The following ZNF385B variants were observed in gnomAD, a reference collection of about 807,000 sequenced individuals.
ZNF385B encodes the protein zinc finger protein 385B, also known as zinc finger protein 533.
ZNF385B carries 23 observed loss-of-function variants against 39.2 expected under a neutral mutation model. The observed-to-expected ratio is 0.59, with a 90% CI of 0.42 to 0.83. The LOEUF is 0.83. ZNF385B is among the 40% of genes least tolerant of loss of function. The pLI is 0.00. For synonymous variants in ZNF385B, 205 were observed against 222.6 expected, an observed-to-expected ratio of 0.92 and a Z score of 0.70; for missense variants, 552 against 598.9, an observed-to-expected ratio of 0.92 and a Z score of 0.82.
rs892580605 is a variant in ZNF385B, at chr2:179,568,088, C to T, written c.299-23119G>A. ...ACATGTTTAATTAAGCCCCTGCCTG[C>T]TCCAAAACCTCACTGAGTACTGCCT... On this transcript the variant is annotated intron_variant, in intron 3 of 9. Coordinates refer to ENST00000410066, the MANE Select transcript of ZNF385B (RefSeq NM_152520.6). Among the ~76,000 whole-genome samples the T allele has an allele frequency of 3.3e-5, 5 of 152,200 alleles. 1 individual carries two copies. In the South Asian group the frequency reaches 6.2e-4, roughly 19 times the overall value.
chr2:179,718,397 A>G lies in ZNF385B; in HGVS notation c.298+51106T>C, dbSNP rs975585954. Among the ~76,000 whole-genome samples, 43 of 148,006 alleles carry G rather than the reference A, an allele frequency of 2.9e-4. 1 individual carries two copies. The highest frequency in any genetic ancestry group is 4.2e-4 in the South Asian group (2 of 4,802). ...TATATATTATATATTATAATCCTAC[A>G]TATAATCATTTATTATCATAAAGAT... On this transcript the variant is annotated intron_variant, in intron 3 of 9. Coordinates refer to ENST00000410066, the MANE Select transcript of ZNF385B (RefSeq NM_152520.6).
rs1685072503 is a variant in ZNF385B at position 179,861,556 on chromosome 2, T to TG, written c.-611dup. ...TGTGACGGTTTACTAAGCAGAGACT[T>TG]GCGAGGCACACAGAGAGGGAATGAG... On this transcript the variant is annotated 5_prime_UTR_variant, in exon 1 of 10. Coordinates refer to ENST00000410066, the MANE Select transcript of ZNF385B (RefSeq NM_152520.6). 1 of 152,242 alleles carries TG rather than the reference T, an allele frequency of 6.6e-6. No individual in the cohort carries two copies. The highest frequency in any genetic ancestry group is 2.1e-4 in the South Asian group (1 of 4,830). 9.4% of individuals were successfully genotyped at this position (152,242 alleles called of 1,614,324 possible).
intron 3 of ZNF385B, among the ~76,000 whole-genome samples, chr2:179,691,615 C>G (rs1357485840): frequency 1.3e-5 from 2 of 152,142 alleles, no homozygotes; most frequent in African/African-American, 4.8e-5. Flanking sequence ...CATCGCATAT[C>G]TCTACTTACT....
chr2:179,763,112 C>T (rs950188504), intron 3 of ZNF385B, among the ~76,000 whole-genome samples: 2 of 152,112 alleles, frequency 1.3e-5, no homozygotes, highest in Non-Finnish European at 2.9e-5. Context: ...ACCATGTTGG[C>T]CAGGCTGGTA....
intron 3 of ZNF385B, among the ~76,000 whole-genome samples, chr2:179,606,290 G>C (rs1359891580): frequency 6.6e-6 from 1 of 152,120 alleles, no homozygotes; most frequent in Non-Finnish European, 1.5e-5. Flanking sequence ...CTAGAGTTTA[G>C]AGCTGACCAA....
At chr2:179,833,857 C>T (rs75473636) in intron 1 of ZNF385B, among the ~76,000 whole-genome samples, 51 of 152,196 alleles carry the variant, frequency 3.4e-4, no homozygotes, top group African/African-American at 1.1e-3. Context: ...GTGGACATAG[C>T]GTATGACTTT....
intron 6 of ZNF385B, among the ~76,000 whole-genome samples, chr2:179,451,185 G>A (rs1431468002): frequency 6.6e-6 from 1 of 150,822 alleles, no homozygotes; most frequent in African/African-American, 2.5e-5. Context: ...CACCAACATG[G>A]CACATGTATA....
At chr2:179,649,545 T>C (rs1693026591) in intron 3 of ZNF385B, among the ~76,000 whole-genome samples, 1 of 152,206 alleles carries the variant, frequency 6.6e-6, no homozygotes, top group African/African-American at 2.4e-5. Flanking sequence ...TTTAAAATTA[T>C]CTTATGGGGT....
chr2:179,736,820 A>C (rs1340974458), intron 3 of ZNF385B, among the ~76,000 whole-genome samples: 2 of 152,080 alleles, frequency 1.3e-5, no homozygotes, highest in Non-Finnish European at 2.9e-5. Flanking sequence ...AATACAAAAA[A>C]TTAGCCAGGC....
At chr2:179,517,022 C>T (rs1443989490) in intron 5 of ZNF385B, among the ~76,000 whole-genome samples, 1 of 151,836 alleles carries the variant, frequency 6.6e-6, no homozygotes, top group Non-Finnish European at 1.5e-5. Flanking sequence ...ATTGAATTCA[C>T]TCTGCAACTT....
intron 6 of ZNF385B, among the ~76,000 whole-genome samples, chr2:179,460,923 C>CTT (rs2051261314): frequency 6.6e-6 from 1 of 152,204 alleles, no homozygotes; most frequent in South Asian, 2.1e-4. Flanking sequence ...AACTATTAAA[C>CTT]TTTTCCTACC....
chr2:179,711,587 G>A (rs912667327), intron 3 of ZNF385B, among the ~76,000 whole-genome samples: 1 of 152,134 alleles, frequency 6.6e-6, no homozygotes, highest in African/African-American at 2.4e-5. Context: ...GAATCTGGGA[G>A]TGGCCAACCC....
chr2:179,596,990 C>G (rs1688051347), intron 3 of ZNF385B, among the ~76,000 whole-genome samples: 1 of 152,190 alleles, frequency 6.6e-6, no homozygotes, highest in African/African-American at 2.4e-5. Context: ...GACAATTCCA[C>G]TAAGCCTTTT....
chr2:179,788,192 C>A (rs1705117844), intron 1 of ZNF385B, among the ~76,000 whole-genome samples: 1 of 152,056 alleles, frequency 6.6e-6, no homozygotes, highest in African/African-American at 2.4e-5. Context: ...GTTGGATGTA[C>A]ACACATGCGT....
chr2:179,493,650 T>C (rs1463931342), intron 5 of ZNF385B, among the ~76,000 whole-genome samples: 1 of 125,938 alleles, frequency 7.9e-6, no homozygotes, highest in Non-Finnish European at 1.7e-5. Context: ...CACATATGCG[T>C]ATACATATAT....
chr2:179,771,114 G>A (rs867860544), intron 1 of ZNF385B, among the ~76,000 whole-genome samples: 3 of 152,018 alleles, frequency 2.0e-5, no homozygotes, highest in Non-Finnish European at 4.4e-5. Flanking sequence ...GAGATGAGGG[G>A]TTTATATGAA....
intron 3 of ZNF385B, among the ~76,000 whole-genome samples, chr2:179,613,611 T>C (rs1258312608): frequency 6.6e-6 from 1 of 152,060 alleles, no homozygotes; most frequent in African/African-American, 2.4e-5. Context: ...TATCCTACTA[T>C]GGTGGAGTTG....
intron 3 of ZNF385B, among the ~76,000 whole-genome samples, chr2:179,627,791 GT>G (rs1690801533): frequency 6.8e-6 from 1 of 146,142 alleles, no homozygotes; most frequent in South Asian, 2.3e-4. Flanking sequence ...AAAATTGGGT[GT>G]TTCTATTGAT....
intron 1 of ZNF385B, among the ~76,000 whole-genome samples, chr2:179,776,653 A>G (rs2106516140): frequency 6.6e-6 from 1 of 152,182 alleles, no homozygotes; most frequent in African/African-American, 2.4e-5. Flanking sequence ...TATATGGGAG[A>G]GTAGGAGCAA....
Sources: gnomAD v4.1 joint callset for allele counts (sites outside exome capture counted in the v4.1 genomes callset) on GRCh38, gnomAD v4.1.1 for gene constraint, MANE v1.5 for transcripts, NCBI Gene and HGNC (gene_info 2026-07-23, HGNC 2026-07-21) for gene names.